Variants in PTPRD observed in about 807,000 individuals in gnomAD.
PTPRD encodes protein tyrosine phosphatase receptor type D.
In PTPRD, 34 loss-of-function variants were observed where a neutral mutation model predicts 214.5. The ratio of observed to expected loss-of-function variants is 0.16; its 90% CI spans 0.12 to 0.21. The LOEUF (loss-of-function observed/expected upper bound fraction) is 0.21, where lower values mean the gene tolerates loss of function less well. Ranked by LOEUF, PTPRD falls within the 10% of genes least tolerant of loss-of-function variation. The pLI, the probability that PTPRD is intolerant of heterozygous loss-of-function variation, is 1.00. For missense variants in PTPRD, 2,545 were observed against 2,398.7 expected (o/e 1.06, Z -1.27); for synonymous variants, 1,128 against 845.7 (o/e 1.33, Z -5.79).
chr9:9,174,944 G>A (rs927923011), intron 10 of PTPRD, among the ~76,000 whole-genome samples: 4 of 152,014 alleles, frequency 2.6e-5, no homozygotes, highest in Non-Finnish European at 5.9e-5. Context: ...AGGTGATTAG[G>A]TCATGGGATG....
intron 2 of PTPRD, among the ~76,000 whole-genome samples, chr9:10,504,885 T>C (rs1486870905): frequency 6.6e-6 from 1 of 152,188 alleles, no homozygotes; most frequent in Non-Finnish European, 1.5e-5. Flanking sequence ...GATGTGCACC[T>C]GTCTGTTAAT....
At chr9:9,542,067 A>G (rs1052006864) in intron 8 of PTPRD, among the ~76,000 whole-genome samples, 1 of 151,804 alleles carries the variant, frequency 6.6e-6, no homozygotes, top group African/African-American at 2.4e-5. Context: ...GGTTCTTTGA[A>G]AAGATCAAGA....
chr9:8,681,095 A>C (rs916934247), intron 12 of PTPRD, among the ~76,000 whole-genome samples: 33 of 152,146 alleles, frequency 2.2e-4, no homozygotes, highest in Admixed American at 2.2e-3. Context: ...TGTCCTCCAC[A>C]TTCTGCCTGT....
chr9:9,402,547 A>C (rs542382416), intron 8 of PTPRD, among the ~76,000 whole-genome samples: 1 of 152,204 alleles, frequency 6.6e-6, no homozygotes, highest in East Asian at 1.9e-4. Flanking sequence ...AATCCTGTTA[A>C]GTACAAGCTC....
At chr9:10,604,147 T>C (rs1338003978) in intron 2 of PTPRD, among the ~76,000 whole-genome samples, 4 of 133,900 alleles carry the variant, frequency 3.0e-5, no homozygotes, top group Non-Finnish European at 6.4e-5. Context: ...AAGAAAAGCC[T>C]GCCATGGTGA....
chr9:10,357,771 C>T (rs960977475), intron 2 of PTPRD, among the ~76,000 whole-genome samples: 5 of 152,084 alleles, frequency 3.3e-5, no homozygotes, highest in Non-Finnish European at 7.4e-5. Flanking sequence ...CATAAAGTGC[C>T]GGAATAGGCA....
intron 12 of PTPRD, among the ~76,000 whole-genome samples, chr9:8,662,191 T>G (rs2097072933): frequency 6.6e-6 from 1 of 152,188 alleles, no homozygotes; most frequent in African/African-American, 2.4e-5. Context: ...CACAACTGCA[T>G]GTTTAATTAC....
intron 12 of PTPRD, among the ~76,000 whole-genome samples, chr9:8,679,440 T>C (rs2097506297): frequency 1.3e-5 from 2 of 152,216 alleles, no homozygotes; most frequent in South Asian, 4.1e-4. Flanking sequence ...CTTTGCTCTC[T>C]CAGAGAATGA....
intron 9 of PTPRD, among the ~76,000 whole-genome samples, chr9:9,333,132 C>T (rs1012576176): frequency 1.3e-4 from 19 of 151,728 alleles, no homozygotes; most frequent in Non-Finnish European, 2.1e-4. Context: ...TTCAAATATA[C>T]CTGGGAAGGC....
At chr9:9,937,141 G>C (rs1201317014) in intron 5 of PTPRD, among the ~76,000 whole-genome samples, 4 of 151,720 alleles carry the variant, frequency 2.6e-5, no homozygotes, top group Non-Finnish European at 1.5e-5. Flanking sequence ...TGAGTTAATG[G>C]GTGCAGCGCA....
At chr9:8,481,017 G>A (rs563314507) in intron 30 of PTPRD, among the ~76,000 whole-genome samples, 2 of 152,012 alleles carry the variant, frequency 1.3e-5, no homozygotes, top group South Asian at 2.1e-4. Context: ...GTGGGCTCCT[G>A]TAGTCACAGC....
intron 7 of PTPRD, among the ~76,000 whole-genome samples, chr9:9,608,717 G>A (rs1332893237): frequency 6.6e-6 from 1 of 152,178 alleles, no homozygotes; most frequent in Non-Finnish European, 1.5e-5. Context: ...GTCCTCAAGT[G>A]ACAGCTGTGG....
At chr9:10,574,335 A>G (rs970000536) in intron 2 of PTPRD, among the ~76,000 whole-genome samples, 15 of 152,106 alleles carry the variant, frequency 9.9e-5, no homozygotes, top group African/African-American at 3.4e-4. Context: ...TCAGGAAAGC[A>G]TAAGAGGAAC....
chr9:10,423,307 G>C (rs1722964588), intron 2 of PTPRD, among the ~76,000 whole-genome samples: 1 of 151,984 alleles, frequency 6.6e-6, no homozygotes, highest in African/African-American at 2.4e-5. Context: ...GTCTGTCATG[G>C]GGTGGAGGGC....
At position 9,622,219 on chromosome 9, in the gene PTPRD, C is replaced by T. The variant is rs952157953; in HGVS notation, c.-286-47438G>A. On this transcript the variant is annotated intron_variant, in intron 7 of 45. Coordinates refer to ENST00000381196, the MANE Select transcript of PTPRD (RefSeq NM_002839.4). The stretch of plus-strand genomic sequence containing the variant: ...CAACTCTGATTCTACCTGTTTAACA[C>T]TCATTAAACACAAAATTCAGGGTGC... Among the ~76,000 whole-genome samples the T allele has an allele frequency of 1.3e-5, 2 of 152,126 alleles. 1 individual carries two copies. The highest frequency in any genetic ancestry group is 2.9e-5 in the Non-Finnish European group (2 of 68,010).
intron 6 of PTPRD, among the ~76,000 whole-genome samples, chr9:9,750,739 G>A (rs2098509406): frequency 6.6e-6 from 1 of 152,038 alleles, no homozygotes; most frequent in African/African-American, 2.4e-5. Context: ...CTTGAGGAAG[G>A]ACAACTATGA....
chr9:8,755,268 G>A (rs185399931), intron 11 of PTPRD, among the ~76,000 whole-genome samples: 1,972 of 150,260 alleles, frequency 0.013, 21 homozygotes, highest in Non-Finnish European at 0.018. Context: ...GGTGGCTCAC[G>A]CCTGTAATCC....
At chr9:9,336,962 T>C (rs1047519234) in intron 9 of PTPRD, among the ~76,000 whole-genome samples, 2 of 152,186 alleles carry the variant, frequency 1.3e-5, no homozygotes, top group African/African-American at 4.8e-5. Context: ...CACATATCTT[T>C]ATATAAACTA....
At chr9:9,805,212 T>C (rs2099065350) in intron 5 of PTPRD, among the ~76,000 whole-genome samples, 2 of 152,166 alleles carry the variant, frequency 1.3e-5, no homozygotes, top group Non-Finnish European at 2.9e-5. Flanking sequence ...AAATGAATGA[T>C]GTTAACAACC....
Sources: gnomAD v4.1 joint callset for allele counts (sites outside exome capture counted in the v4.1 genomes callset) on GRCh38, gnomAD v4.1.1 for gene constraint, MANE v1.5 for transcripts, NCBI Gene and HGNC (gene_info 2026-07-23, HGNC 2026-07-21) for gene names.